Variants in CHRM3 observed in about 807,000 individuals in gnomAD.
CHRM3 encodes muscarinic acetylcholine receptor M3.
Under a neutral mutation model 41.8 loss-of-function variants are expected in CHRM3, and 11 were observed. That is an observed-to-expected ratio of 0.26 (90% CI 0.17 to 0.44). The LOEUF is 0.44. CHRM3 is among the 20% of genes least tolerant of loss of function. CHRM3 has a pLI of 1.00. For missense variants in CHRM3, 571 were observed against 745.4 expected (o/e 0.77, Z 2.72); for synonymous variants, 297 against 301.4 (o/e 0.99, Z 0.15).
intron 5 of CHRM3, among the ~76,000 whole-genome samples, chr1:239,777,007 A>G (rs1668141639): frequency 6.6e-6 from 1 of 152,204 alleles, no homozygotes; most frequent in African/African-American, 2.4e-5. Flanking sequence ...CTGCAGTTCA[A>G]GATGAGATTT....
chr1:239,647,117 C>T (rs1204409281), intron 4 of CHRM3, among the ~76,000 whole-genome samples: 7 of 152,140 alleles, frequency 4.6e-5, no homozygotes, highest in Non-Finnish European at 8.8e-5. Context: ...ATAAAGAAAA[C>T]ACAAACACCT....
At chr1:239,670,333 A>G (rs965080962) in intron 4 of CHRM3, among the ~76,000 whole-genome samples, 1 of 152,074 alleles carries the variant, frequency 6.6e-6, no homozygotes, top group Non-Finnish European at 1.5e-5. Flanking sequence ...AGAGCTTTAT[A>G]AAAATAAAAT....
intron 3 of CHRM3, among the ~76,000 whole-genome samples, chr1:239,556,148 T>C (rs1469830825): frequency 6.6e-6 from 1 of 152,188 alleles, no homozygotes; most frequent in Non-Finnish European, 1.5e-5. Context: ...TTCTTTTCTT[T>C]CCATGAAGCA....
intron 2 of CHRM3, among the ~76,000 whole-genome samples, chr1:239,504,035 G>T (rs758747116): frequency 1.3e-5 from 2 of 152,024 alleles, no homozygotes; most frequent in Non-Finnish European, 2.9e-5. Context: ...GAACCCAAAA[G>T]CAAATTCAAT....
intron 4 of CHRM3, among the ~76,000 whole-genome samples, chr1:239,652,741 A>G (rs713117): frequency 0.26 from 39,323 of 151,924 alleles, 5,661 homozygotes; most frequent in East Asian, 0.54. Flanking sequence ...TTATATTACT[A>G]TGGATAAGTC....
At chr1:239,822,202 A>C (rs1354841728) in intron 5 of CHRM3, among the ~76,000 whole-genome samples, 1 of 152,224 alleles carries the variant, frequency 6.6e-6, no homozygotes, top group African/African-American at 2.4e-5. Flanking sequence ...ATCTTTCGAA[A>C]GTATGGCCCC....
intron 5 of CHRM3, among the ~76,000 whole-genome samples, chr1:239,808,024 T>A (rs1670800466): frequency 6.6e-6 from 1 of 152,214 alleles, no homozygotes. Flanking sequence ...TGAAGTTTTT[T>A]AAAGAAACAT....
chr1:239,529,043 C>T, intron 2 of CHRM3, among the ~76,000 whole-genome samples: 1 of 152,148 alleles, frequency 6.6e-6, no homozygotes, highest in East Asian at 1.9e-4. Context: ...TGTTTCCTCC[C>T]ATTTCCTTCA....
intron 1 of CHRM3, among the ~76,000 whole-genome samples, chr1:239,469,881 C>T (rs1293423078): frequency 6.6e-6 from 1 of 152,072 alleles, no homozygotes; most frequent in African/African-American, 2.4e-5. Context: ...TGTCAGATTC[C>T]TTGGACAGCC....
At chr1:239,518,038 G>A (rs1446202471) in intron 2 of CHRM3, among the ~76,000 whole-genome samples, 2 of 152,040 alleles carry the variant, frequency 1.3e-5, no homozygotes, top group African/African-American at 4.8e-5. Context: ...CCTGGGAGGC[G>A]GAGGTTGCAG....
intron 2 of CHRM3, among the ~76,000 whole-genome samples, chr1:239,509,364 C>T (rs1480221887): frequency 1.3e-5 from 2 of 152,028 alleles, no homozygotes; most frequent in African/African-American, 4.8e-5. Context: ...ATGAGAATAA[C>T]CAATAATATG....
intron 1 of CHRM3, among the ~76,000 whole-genome samples, chr1:239,389,892 T>C (rs766711732): frequency 2.6e-5 from 4 of 152,158 alleles, no homozygotes; most frequent in Non-Finnish European, 5.9e-5. Context: ...AAGTTTATAC[T>C]GGGAACAGCT....
intron 6 of CHRM3, among the ~76,000 whole-genome samples, chr1:239,856,942 A>G (rs1427859723): frequency 6.6e-6 from 1 of 152,222 alleles, no homozygotes; most frequent in Non-Finnish European, 1.5e-5. Flanking sequence ...GCAAGCCCTC[A>G]AATGAACAAT....
At chr1:239,418,724 T>A (rs750933336) in intron 1 of CHRM3, among the ~76,000 whole-genome samples, 1 of 152,312 alleles carries the variant, frequency 6.6e-6, no homozygotes, top group South Asian at 2.1e-4. Context: ...GCCCTCAAAG[T>A]GTTTCTTGGA....
intron 1 of CHRM3, among the ~76,000 whole-genome samples, chr1:239,446,082 G>T (rs1054156061): frequency 1.3e-5 from 2 of 152,032 alleles, no homozygotes; most frequent in African/African-American, 2.4e-5. Flanking sequence ...AACTACAGGT[G>T]TGCACCACCA....
chr1:239,491,316 C>A (rs1170548101), intron 1 of CHRM3, among the ~76,000 whole-genome samples: 1 of 152,174 alleles, frequency 6.6e-6, no homozygotes, highest in Non-Finnish European at 1.5e-5. Flanking sequence ...ACTTTTATAT[C>A]TATTAACCAA....
intron 1 of CHRM3, among the ~76,000 whole-genome samples, chr1:239,460,805 A>C (rs142645877): frequency 5.1e-4 from 78 of 152,346 alleles, no homozygotes; most frequent in Middle Eastern, 6.8e-3. Context: ...ATCAACACAA[A>C]AAAATGAAAA....
intron 1 of CHRM3, among the ~76,000 whole-genome samples, chr1:239,404,457 A>AGAAG (rs1660394498): frequency 7.1e-6 from 1 of 141,774 alleles, no homozygotes; most frequent in South Asian, 2.3e-4. Flanking sequence ...AAAGAAAGAA[A>AGAAG]GAAAGAAAGA....
chr1:239,620,191 T>G (rs1199570672), intron 3 of CHRM3, among the ~76,000 whole-genome samples: 1 of 152,128 alleles, frequency 6.6e-6, no homozygotes, highest in African/African-American at 2.4e-5. Flanking sequence ...GAGCGTGTAG[T>G]AGTTTTTACT....
Sources: allele counts gnomAD v4.1 joint callset (sites outside exome capture counted in the v4.1 genomes callset), GRCh38; gene constraint gnomAD v4.1.1; transcripts MANE v1.5; gene names NCBI Gene and HGNC (gene_info 2026-07-23, HGNC 2026-07-21).